Variants in BCAS4 observed in about 807,000 individuals in gnomAD.
BCAS4 encodes the protein breast carcinoma amplified sequence 4.
In BCAS4, 9 loss-of-function variants were observed where a neutral mutation model predicts 15.7. The ratio of observed to expected loss-of-function variants is 0.57; its 90% confidence interval spans 0.34 to 1.00. The LOEUF is 1.00. Among genes scored for constraint, BCAS4 ranks in the 50% least tolerant of loss-of-function variants. The pLI is 0.02. For synonymous variants in BCAS4, 101 were observed against 99.5 expected (o/e 1.02, Z -0.09); for missense variants, 225 against 239.1 (o/e 0.94, Z 0.39).
At chr20:50,837,800 C>G (rs540857651) in intron 3 of BCAS4, among the ~76,000 whole-genome samples, 2 of 152,362 alleles carry the variant, frequency 1.3e-5, no homozygotes, top group East Asian at 3.9e-4. Flanking sequence ...GCCTCACACT[C>G]TCCACCAGAT....
At chr20:50,815,867 G>A (rs1031439981) in intron 1 of BCAS4, among the ~76,000 whole-genome samples, 3 of 152,290 alleles carry the variant, frequency 2.0e-5, no homozygotes, top group Middle Eastern at 3.4e-3. Context: ...CTCTGAGCAC[G>A]CCTCCCTGGA....
intron 4 of BCAS4, among the ~76,000 whole-genome samples, chr20:50,872,596 A>C (rs1028471386): frequency 6.6e-6 from 1 of 150,538 alleles, no homozygotes; most frequent in Non-Finnish European, 1.5e-5. Flanking sequence ...AAAAAAAAAG[A>C]AAAAAATCAA....
In BCAS4 at chr20:50,816,791, A is replaced by ATT. The variant is rs35600563; in HGVS notation, c.91-1390_91-1389dup. 4.6e-3 allele frequency among the ~76,000 whole-genome samples: 373 copies of ATT among 80,924 alleles called. 23 individuals carry two copies. Among genetic ancestry groups the ATT allele is most frequent in the African/African-American group, 5.3e-3 (86 of 16,144 alleles). The allele number at this position is 80,924 out of a possible 152,430, so 53.1% of individuals were successfully genotyped here. A position where few individuals can be genotyped will look rare whatever the true frequency, so the allele number is the denominator to read the frequency against. On this transcript the variant is annotated intron_variant, in intron 1 of 4. Coordinates refer to ENST00000371608, the MANE Select transcript of BCAS4 (RefSeq NM_198799.4). ...AGACATGCACCACCATGCCTGGCTA[A>ATT]TTTTTTTTTTTTTTTTTTTTTTTTT...
At chr20:50,846,068 C>G (rs1476860660) in intron 4 of BCAS4, among the ~76,000 whole-genome samples, 1 of 152,250 alleles carries the variant, frequency 6.6e-6, no homozygotes, top group African/African-American at 2.4e-5. Context: ...GGCATTTGCT[C>G]CACAGACGGA....
intron 1 of BCAS4, among the ~76,000 whole-genome samples, chr20:50,797,679 T>A (rs1304906577): frequency 6.6e-6 from 1 of 152,184 alleles, no homozygotes; most frequent in East Asian, 1.9e-4. Flanking sequence ...TTTTTTTTGT[T>A]TTTGAGACAG....
chr20:50,871,441 C>A (rs1979641256), intron 4 of BCAS4, among the ~76,000 whole-genome samples: 1 of 152,258 alleles, frequency 6.6e-6, no homozygotes, highest in African/African-American at 2.4e-5. Flanking sequence ...GCCTCACACA[C>A]CAGCCCTTAC....
chr20:50,847,335 C>T (rs1276247016), intron 4 of BCAS4, among the ~76,000 whole-genome samples: 1 of 152,168 alleles, frequency 6.6e-6, no homozygotes, highest in Admixed American at 6.5e-5. Context: ...GATCCACCCA[C>T]CTCGGCCTCC....
chr20:50,872,863 C>T lies in BCAS4; in HGVS notation c.400-3623C>T, dbSNP rs997408862. Among the ~76,000 whole-genome samples the T allele has an allele frequency of 2.6e-5, 4 of 152,246 alleles. No individual in the cohort carries two copies. In the South Asian group the frequency reaches 8.3e-4, roughly 31 times the overall value. Reference sequence around the variant, plus strand: ...TGTGGAGCGGCACCAGCCTCTGCAGCCTTCTGTCTGGTCTTCCAGGCCAGT... The same window carrying T: ...TGTGGAGCGGCACCAGCCTCTGCAGTCTTCTGTCTGGTCTTCCAGGCCAGT... On this transcript the variant is annotated intron_variant, in intron 4 of 4. Coordinates refer to ENST00000371608, the MANE Select transcript of BCAS4 (RefSeq NM_198799.4).
intron 1 of BCAS4, among the ~76,000 whole-genome samples, chr20:50,795,554 G>GCAGCCCCGAGA (rs773750758): frequency 9.8e-5 from 15 of 152,320 alleles, no homozygotes; most frequent in Admixed American, 2.6e-4. Flanking sequence ...GGCTGTGCGG[G>GCAGCCCCGAGA]CCGCGCTGCG....
In BCAS4 at chr20:50,845,747, G is replaced by A. The variant is rs143489752; in HGVS notation, c.399+3847G>A. 1.8e-3 allele frequency among the ~76,000 whole-genome samples: 278 copies of A among 152,360 alleles called. 2 individuals carry two copies. Among genetic ancestry groups the A allele is most frequent in the African/African-American group, 6.4e-3 (265 of 41,576 alleles). ...TGTCTGTTCCTCACCCACCCGTGCT[G>A]CCTCCAAAGGGTCCATGGAGTGGAG... is the stretch of plus-strand genomic sequence containing the variant. On this transcript the variant is annotated intron_variant, in intron 4 of 4. Transcript: ENST00000371608.
At chr20:50,848,689 G>A (rs1367583146) in intron 4 of BCAS4, among the ~76,000 whole-genome samples, 4 of 152,234 alleles carry the variant, frequency 2.6e-5, no homozygotes, top group African/African-American at 4.8e-5. Context: ...GGTCTGTGAC[G>A]TCTTAGGACT....
chr20:50,864,312 A>T (rs1433039201), intron 4 of BCAS4, among the ~76,000 whole-genome samples: 1 of 152,150 alleles, frequency 6.6e-6, no homozygotes, highest in South Asian at 2.1e-4. Context: ...CCTAAACCCC[A>T]CTGAGTCTTA....
At chr20:50,795,009 GGCGGGGCTCCGAGGCCCGGGC>G (rs1156792266), upstream of BCAS4, 4 of 1,366,202 alleles carry the variant, frequency 2.9e-6, no homozygotes, top group South Asian at 6.8e-5. Flanking sequence ...GCGGACCGGG[GGCGGGGCTCCGAGGCCCGGGC>G]GCAACCACGG....
chr20:50,868,415 G>A lies in BCAS4; in HGVS notation c.400-8071G>A, dbSNP rs192702959. ...GCATCTAGCAGTTGTCAATTCTTGG[G>A]TGATCCTTTCTTTCTTTCTTTTTTT... On this transcript the variant is annotated intron_variant, in intron 4 of 4. Coordinates refer to ENST00000371608, the MANE Select transcript of BCAS4 (RefSeq NM_198799.4). 2.6e-5 allele frequency among the ~76,000 whole-genome samples: 4 copies of A among 152,274 alleles called. No individual in the cohort carries two copies. In the East Asian group the frequency reaches 7.7e-4, roughly 29 times the overall value.
chr20:50,799,854 G>A (rs941970821), intron 1 of BCAS4, among the ~76,000 whole-genome samples: 3 of 152,112 alleles, frequency 2.0e-5, no homozygotes. Flanking sequence ...CCAGGAGTTC[G>A]AGACCAGCCT....
chr20:50,826,979 A>G lies in BCAS4; in HGVS notation c.163-3300A>G, dbSNP rs923571945. ...CAAGACCCTATAAAAAAACAAAAAA[A>G]CAAAAAACAACCCACGACCCCCCAC... On this transcript the variant is annotated intron_variant, in intron 2 of 4. Transcript: ENST00000371608. Among the ~76,000 whole-genome samples the G allele has an allele frequency of 3.9e-4, 59 of 152,272 alleles. 1 individual carries two copies. The highest frequency in any genetic ancestry group is 1.4e-3 in the African/African-American group (58 of 41,532).
chr20:50,828,888 C>T (rs919987026), intron 2 of BCAS4, among the ~76,000 whole-genome samples: 1 of 152,136 alleles, frequency 6.6e-6, no homozygotes, highest in African/African-American at 2.4e-5. Flanking sequence ...CATCAGAAGC[C>T]GCCTCCACAC....
intron 1 of BCAS4, 101 bp downstream of exon 1, chr20:50,795,274 T>C: frequency 2.7e-6 from 3 of 1,108,272 alleles, no homozygotes; most frequent in Non-Finnish European, 3.5e-6. Flanking sequence ...GCTCCCGGAG[T>C]GGGGGGCCCG....
chr20:50,864,947 G>A (rs1979282571), intron 4 of BCAS4, among the ~76,000 whole-genome samples: 1 of 151,734 alleles, frequency 6.6e-6, no homozygotes, highest in Admixed American at 6.6e-5. Context: ...TATAAAACTA[G>A]CCAGGCATGG....
Sources: gnomAD v4.1 joint callset for allele counts (sites outside exome capture counted in the v4.1 genomes callset) on GRCh38, gnomAD v4.1.1 for gene constraint, MANE v1.5 for transcripts, NCBI Gene and HGNC (gene_info 2026-07-23, HGNC 2026-07-21) for gene names.